Variants in SOX5 observed in about 807,000 individuals in gnomAD.
SOX5 encodes the protein transcription factor SOX-5.
In SOX5, 9 loss-of-function variants were observed where a neutral mutation model predicts 92.0. The observed-to-expected ratio is 0.10, with a 90% confidence interval of 0.06 to 0.17. SOX5 has a LOEUF of 0.17. Ranked by LOEUF, SOX5 falls within the 10% of genes least tolerant of loss-of-function variation. The pLI is 1.00. For synonymous variants in SOX5, 344 were observed against 336.3 expected, an observed-to-expected ratio of 1.02 and a Z score of -0.25; for missense variants, 642 against 944.5, an observed-to-expected ratio of 0.68 and a Z score of 4.20.
intron 6 of SOX5, among the ~76,000 whole-genome samples, chr12:23,668,294 G>A (rs371081452): frequency 6.6e-6 from 1 of 152,220 alleles, no homozygotes; most frequent in South Asian, 2.1e-4. Context: ...AGTTGTGACC[G>A]GAAGCTCGCA....
At chr12:23,815,735 C>G (rs1237824047) in intron 3 of SOX5, among the ~76,000 whole-genome samples, 4 of 152,156 alleles carry the variant, frequency 2.6e-5, no homozygotes, top group Non-Finnish European at 5.9e-5. Context: ...GTGAATGGTT[C>G]TGGTCGGAGA....
intron 6 of SOX5, among the ~76,000 whole-genome samples, chr12:23,726,534 C>T (rs112704078): frequency 2.6e-5 from 4 of 152,124 alleles, no homozygotes; most frequent in Non-Finnish European, 4.4e-5. Flanking sequence ...ATACTGACTT[C>T]GGCCAACATT....
At chr12:23,995,993 A>T (rs1950996816) in intron 4 of SOX5, among the ~76,000 whole-genome samples, 1 of 152,242 alleles carries the variant, frequency 6.6e-6, no homozygotes, top group Non-Finnish European at 1.5e-5. Context: ...ATATAGACAA[A>T]ATCATTTTCT....
intron 2 of SOX5, among the ~76,000 whole-genome samples, chr12:23,885,244 A>T (rs779981594): frequency 1.9e-4 from 29 of 152,110 alleles, no homozygotes; most frequent in Admixed American, 7.2e-4. Flanking sequence ...AATTAATGTA[A>T]CTTATTTTTC....
At chr12:23,791,451 C>G (rs2141969382) in intron 3 of SOX5, among the ~76,000 whole-genome samples, 1 of 152,314 alleles carries the variant, frequency 6.6e-6, no homozygotes. Context: ...GCATGTGCCA[C>G]TGCACGGGCT....
intron 2 of SOX5, among the ~76,000 whole-genome samples, chr12:24,302,910 T>C (rs1948142900): frequency 6.6e-6 from 1 of 151,858 alleles, no homozygotes; most frequent in South Asian, 2.1e-4. Context: ...TCACATTAGT[T>C]ATAGGGGAAA....
intron 4 of SOX5, among the ~76,000 whole-genome samples, chr12:24,105,304 G>A (rs1946549941): frequency 1.3e-5 from 2 of 152,184 alleles, no homozygotes; most frequent in Non-Finnish European, 2.9e-5. Context: ...ATTTTGGGAT[G>A]TCAAGGTGGG....
At chr12:24,206,098 A>G (rs7307190) in intron 4 of SOX5, among the ~76,000 whole-genome samples, 5,304 of 152,292 alleles carry the variant, frequency 0.035, 304 homozygotes, top group African/African-American at 0.12. Flanking sequence ...CTCATTTTGT[A>G]TATAAGTAAA....
chr12:23,726,004 T>G (rs1011202193), intron 6 of SOX5, among the ~76,000 whole-genome samples: 1 of 152,174 alleles, frequency 6.6e-6, no homozygotes, highest in African/African-American at 2.4e-5. Flanking sequence ...AAACTAGGGA[T>G]AAGCCTAGTG....
At chr12:23,697,901 AT>A (rs1297359957) in intron 6 of SOX5, among the ~76,000 whole-genome samples, 1 of 151,966 alleles carries the variant, frequency 6.6e-6, no homozygotes, top group African/African-American at 2.4e-5. Context: ...TCAATCTACA[AT>A]CTTGCTATTT....
intron 1 of SOX5, among the ~76,000 whole-genome samples, chr12:24,503,509 T>C (rs145875119): frequency 1.1e-3 from 165 of 152,322 alleles, no homozygotes; most frequent in African/African-American, 3.2e-3. Flanking sequence ...TGAGCAACTA[T>C]AAACACACAT....
intron 1 of SOX5, among the ~76,000 whole-genome samples, chr12:23,933,331 C>T (rs149238613): frequency 2.5e-4 from 38 of 151,594 alleles, no homozygotes; most frequent in African/African-American, 7.7e-4. Context: ...TGTACAGAGT[C>T]TGGTACTATC....
chr12:24,302,138 T>C (rs2140656561), intron 2 of SOX5, among the ~76,000 whole-genome samples: 1 of 152,266 alleles, frequency 6.6e-6, no homozygotes, highest in South Asian at 2.1e-4. Flanking sequence ...CATGGTTCTA[T>C]CCAAATACAA....
At chr12:24,158,277 T>G (rs1212595551) in intron 4 of SOX5, among the ~76,000 whole-genome samples, 4 of 151,998 alleles carry the variant, frequency 2.6e-5, no homozygotes, top group Non-Finnish European at 4.4e-5. Context: ...AAAACAAAAA[T>G]CCTTGATCCT....
At chr12:24,342,569 C>T (rs75597487) in intron 2 of SOX5, among the ~76,000 whole-genome samples, 2,406 of 152,268 alleles carry the variant, frequency 0.016, 74 homozygotes, top group African/African-American at 0.054. Context: ...CATATCCAAT[C>T]GGCCACTAAT....
chr12:23,800,204 C>G (rs187108021), intron 3 of SOX5, among the ~76,000 whole-genome samples: 2 of 151,706 alleles, frequency 1.3e-5, no homozygotes, highest in Non-Finnish European at 2.9e-5. Context: ...TATGTGAAAA[C>G]GATATAAAAT....
chr12:23,671,501 G>A (rs183811454), intron 6 of SOX5, among the ~76,000 whole-genome samples: 2 of 152,248 alleles, frequency 1.3e-5, no homozygotes, highest in East Asian at 1.9e-4. Flanking sequence ...AGGGGTTTAG[G>A]TAGGCAGAAT....
At chr12:24,321,238 A>T (rs574254321) in intron 2 of SOX5, among the ~76,000 whole-genome samples, 1 of 152,342 alleles carries the variant, frequency 6.6e-6, no homozygotes, top group South Asian at 2.1e-4. Flanking sequence ...GTGTGTAGCC[A>T]ATGTTTGTGA....
At chr12:24,109,374 G>A (rs1406913346) in intron 4 of SOX5, among the ~76,000 whole-genome samples, 4 of 151,942 alleles carry the variant, frequency 2.6e-5, no homozygotes, top group South Asian at 4.2e-4. Context: ...CTACAAAAGC[G>A]TTGCACCAAC....
Sources: allele counts gnomAD v4.1 joint callset (sites outside exome capture counted in the v4.1 genomes callset), GRCh38; gene constraint gnomAD v4.1.1; transcripts MANE v1.5; gene names NCBI Gene and HGNC (gene_info 2026-07-23, HGNC 2026-07-21).